The following GMDS variants were observed in gnomAD, a reference collection of about 807,000 sequenced individuals.
GMDS encodes the protein GDP-mannose 4,6-dehydratase.
Under a neutral mutation model 49.9 loss-of-function variants are expected in GMDS, and 20 were observed. The observed-to-expected ratio is 0.40, with a 90% CI of 0.28 to 0.58. The LOEUF (loss-of-function observed/expected upper bound fraction) is 0.58, where lower values mean the gene tolerates loss of function less well. GMDS is among the 20% of genes least tolerant of loss of function. The pLI is 0.42. For synonymous variants in GMDS, 177 were observed against 178.6 expected (o/e 0.99, Z 0.07); for missense variants, 362 against 481.4 (o/e 0.75, Z 2.32).
chr6:1,737,321 A>G (rs1274157400), intron 8 of GMDS, among the ~76,000 whole-genome samples: 4 of 152,176 alleles, frequency 2.6e-5, no homozygotes, highest in Non-Finnish European at 4.4e-5. Context: ...AAGATTAATG[A>G]CAGAAAATTA....
At chr6:1,796,548 T>C (rs555116076) in intron 7 of GMDS, among the ~76,000 whole-genome samples, 1 of 152,300 alleles carries the variant, frequency 6.6e-6, no homozygotes, top group Admixed American at 6.5e-5. Context: ...TCAGATTTGA[T>C]GCTGTTTTGG....
At chr6:2,015,344 C>T (rs1469623088) in intron 4 of GMDS, among the ~76,000 whole-genome samples, 1 of 152,002 alleles carries the variant, frequency 6.6e-6, no homozygotes, top group Admixed American at 6.6e-5. Context: ...TTAAACTGTG[C>T]CCCCAGATCA....
intron 9 of GMDS, among the ~76,000 whole-genome samples, chr6:1,675,632 C>T (rs1764593558): frequency 1.3e-5 from 2 of 152,190 alleles, no homozygotes; most frequent in South Asian, 4.1e-4. Flanking sequence ...GCGGGTGGAT[C>T]ACGAAGTCAG....
At chr6:1,925,031 G>C (rs1377604330) in intron 7 of GMDS, among the ~76,000 whole-genome samples, 1 of 152,020 alleles carries the variant, frequency 6.6e-6, no homozygotes, top group East Asian at 1.9e-4. Context: ...TGTGCAAATT[G>C]AATATTTGTA....
Position 1,624,035 on chromosome 6 carries a change from G to T in GMDS, c.*134C>A, listed in dbSNP as rs977718872. 2 of 735,752 alleles carry T rather than the reference G, an allele frequency of 2.7e-6. No individual in the cohort carries two copies. Among genetic ancestry groups the T allele is most frequent in the Non-Finnish European group, 4.4e-6 (2 of 452,328 alleles). The allele number at this position is 735,752 out of a possible 1,614,324, so 45.6% of individuals were successfully genotyped here. A position where few individuals can be genotyped will look rare whatever the true frequency, so the allele number is the denominator to read the frequency against. ...GCGGGGCGGCCCCGCTCTTGCGGCC[G>T]GGACAGCGCAGCGGCAGCAGGGGCC... On this transcript the variant is annotated 3_prime_UTR_variant, in exon 11 of 11. Coordinates refer to ENST00000380815, the MANE Select transcript of GMDS (RefSeq NM_001500.4).
intron 1 of GMDS, among the ~76,000 whole-genome samples, chr6:2,184,757 A>T (rs1404862505): frequency 1.3e-5 from 2 of 152,228 alleles, no homozygotes; most frequent in Non-Finnish European, 2.9e-5. Flanking sequence ...CAAAATTCTC[A>T]TTATCAGCAT....
At chr6:1,848,311 C>A (rs972764744) in intron 7 of GMDS, among the ~76,000 whole-genome samples, 1 of 152,146 alleles carries the variant, frequency 6.6e-6, no homozygotes, top group South Asian at 2.1e-4. Context: ...TCTGTTCCCA[C>A]CACCCAGAAT....
intron 7 of GMDS, among the ~76,000 whole-genome samples, chr6:1,884,438 G>T (rs796652799): frequency 5.3e-5 from 8 of 152,326 alleles, no homozygotes; most frequent in African/African-American, 1.9e-4. Flanking sequence ...CACCAAAGTG[G>T]CATTTTTGCC....
intron 9 of GMDS, among the ~76,000 whole-genome samples, chr6:1,703,562 T>C (rs1034245606): frequency 3.3e-5 from 5 of 152,176 alleles, no homozygotes; most frequent in African/African-American, 9.7e-5. Flanking sequence ...AATAAAGAAA[T>C]ACAATCCTCT....
chr6:1,857,038 C>G (rs1253201621), intron 7 of GMDS, among the ~76,000 whole-genome samples: 2 of 152,200 alleles, frequency 1.3e-5, no homozygotes, highest in African/African-American at 4.8e-5. Context: ...AGATTTCTAC[C>G]TCTATCAAGA....
rs139145296 is a variant in GMDS at position 2,004,898 on chromosome 6, G to A, written c.346-43932C>T. On this transcript the variant is annotated intron_variant, in intron 4 of 10. Transcript: ENST00000380815. ...ATTTGAGCGAATGTTTGACATTAGC[G>A]GCTGAAATCTATAAAATACAGCAAC... Among the ~76,000 whole-genome samples, 601 of 152,172 alleles carry A rather than the reference G, an allele frequency of 3.9e-3. 8 individuals are homozygous for A. The highest frequency in any genetic ancestry group is 0.014 in the African/African-American group (570 of 41,524).
chr6:2,018,243 C>G (rs747215737), intron 4 of GMDS, among the ~76,000 whole-genome samples: 1 of 152,178 alleles, frequency 6.6e-6, no homozygotes, highest in Non-Finnish European at 1.5e-5. Context: ...TACGCTGATG[C>G]TATGACTCAA....
intron 7 of GMDS, among the ~76,000 whole-genome samples, chr6:1,881,385 A>C (rs899949897): frequency 7.2e-5 from 11 of 152,218 alleles, no homozygotes; most frequent in African/African-American, 2.7e-4. Flanking sequence ...TCCCCCAAAA[A>C]ATCATTAAAA....
intron 7 of GMDS, among the ~76,000 whole-genome samples, chr6:1,832,328 G>C (rs1469706317): frequency 7.9e-5 from 12 of 151,912 alleles, no homozygotes. Flanking sequence ...AGGAGTTTGA[G>C]GTTGCAGTGA....
intron 4 of GMDS, among the ~76,000 whole-genome samples, chr6:1,973,405 T>C (rs1162506367): frequency 2.6e-5 from 4 of 152,212 alleles, no homozygotes; most frequent in Non-Finnish European, 5.9e-5. Flanking sequence ...CAGAGAGTGA[T>C]AGCACAGGAG....
chr6:1,664,368 A>C (rs368926305), intron 9 of GMDS, among the ~76,000 whole-genome samples: 18 of 152,210 alleles, frequency 1.2e-4, no homozygotes, highest in African/African-American at 4.1e-4. Flanking sequence ...CTGGAACCAC[A>C]CTGTCCTCTG....
At chr6:1,970,495 G>C (rs986275719) in intron 4 of GMDS, among the ~76,000 whole-genome samples, 1 of 152,192 alleles carries the variant, frequency 6.6e-6, no homozygotes, top group Non-Finnish European at 1.5e-5. Context: ...GGGCAGGGAA[G>C]GAATGGAGAG....
chr6:1,679,930 G>C (rs1267603638), intron 9 of GMDS: 1 of 152,028 alleles, frequency 6.6e-6, no homozygotes, highest in Non-Finnish European at 1.5e-5. Flanking sequence ...TGGTCTCCTG[G>C]AGACAAGGAA....
chr6:1,806,439 AACACACACACACACACACAC>A (rs34940754), intron 7 of GMDS, among the ~76,000 whole-genome samples: 1 of 146,112 alleles, frequency 6.8e-6, no homozygotes, highest in Non-Finnish European at 1.5e-5. Context: ...AGCACATGGG[AACACACACACACACACACAC>A]ACACACACAC....
Sources: gnomAD v4.1 joint callset for allele counts (sites outside exome capture counted in the v4.1 genomes callset) on GRCh38, gnomAD v4.1.1 for gene constraint, MANE v1.5 for transcripts, NCBI Gene and HGNC (gene_info 2026-07-23, HGNC 2026-07-21) for gene names.